KYNU: variants seen among roughly 807,000 people sequenced by gnomAD.
KYNU encodes the protein kynureninase, also known as L-kynurenine hydrolase.
In KYNU, 54 loss-of-function variants were observed where a neutral mutation model predicts 59.2. The ratio of observed to expected loss-of-function variants is 0.91; its 90% CI spans 0.73 to 1.14. KYNU has a LOEUF of 1.14. Among genes scored for constraint, KYNU ranks in the 50% most tolerant of loss-of-function variants. KYNU has a pLI of 0.00. For synonymous variants in KYNU, 177 were observed against 192.0 expected (o/e 0.92, Z 0.65); for missense variants, 567 against 554.4 (o/e 1.02, Z -0.23).
chr2:142,904,669 G>A (rs985557926), intron 2 of KYNU, among the ~76,000 whole-genome samples: 4 of 152,174 alleles, frequency 2.6e-5, no homozygotes, highest in East Asian at 1.9e-4. Context: ...TGACAAGGCC[G>A]AATTCTCCAG....
chr2:143,026,450 T>G (rs1161884870), intron 10 of KYNU, among the ~76,000 whole-genome samples: 1 of 152,210 alleles, frequency 6.6e-6, no homozygotes, highest in Non-Finnish European at 1.5e-5. Flanking sequence ...TGCTCTCAGC[T>G]CCTCGCGGGA....
In KYNU at chr2:143,050,962, T is replaced by C. The variant is rs1208564831; in HGVS notation, c.*8790T>C. On this transcript the variant is annotated 3_prime_UTR_variant, in exon 14 of 14. Coordinates refer to ENST00000264170, the MANE Select transcript of KYNU (RefSeq NM_003937.3). ...TATTAGGGTACCTTGTTACTGAGAT[T>C]ATGGATGTGATGCTTCTGTGGGCCA... 6.6e-6 allele frequency: 1 copy of C among 152,164 alleles called. No homozygotes were observed. The highest frequency in any genetic ancestry group is 6.5e-5 in the Admixed American group (1 of 15,272). The allele number at this position is 152,164 out of a possible 1,614,324, so 9.4% of individuals were successfully genotyped here.
chr2:142,990,168 A>T (rs2105170319), intron 10 of KYNU: 1 of 151,838 alleles, frequency 6.6e-6, no homozygotes, highest in East Asian at 1.9e-4. Flanking sequence ...CTGTCTGTAC[A>T]ATAAATTAGG....
Position 142,976,527 on chromosome 2 carries a change from G to C in KYNU, c.730-8557G>C, listed in dbSNP as rs56182344. ...GGGGTTTTTCCAAGTTATTTGTTGT[G>C]TAAAGGTTTTTTGTAATGATCGCCT... On this transcript the variant is annotated intron_variant, in intron 8 of 13. Transcript: ENST00000264170. 5.7e-3 allele frequency among the ~76,000 whole-genome samples: 864 copies of C among 152,222 alleles called. 7 individuals carry two copies. The highest frequency in any genetic ancestry group is 0.02 in the African/African-American group (826 of 41,542).
intron 2 of KYNU, among the ~76,000 whole-genome samples, chr2:142,887,600 C>T (rs1252414698): frequency 2.0e-5 from 3 of 152,120 alleles, no homozygotes; most frequent in African/African-American, 7.2e-5. Context: ...AAGAACCATG[C>T]TCTACATGGT....
chr2:142,926,988 G>A (rs1193858771), intron 3 of KYNU, among the ~76,000 whole-genome samples: 2 of 152,152 alleles, frequency 1.3e-5, no homozygotes, highest in Admixed American at 1.3e-4. Context: ...TTTTTCAAGT[G>A]TATTTGCCTT....
At position 142,988,161 on chromosome 2, in the gene KYNU, C is replaced by A. The variant is rs1685277143; in HGVS notation, c.902+2140C>A. On this transcript the variant is annotated intron_variant, in intron 10 of 13. Coordinates refer to ENST00000264170, the MANE Select transcript of KYNU (RefSeq NM_003937.3). The stretch of plus-strand genomic sequence containing the variant: ...ATGGGGTTATATGAAAAAAAAAATC[C>A]AAAATTTACAATATACAGGAAAAAG... Among the ~76,000 whole-genome samples, 3 of 151,472 alleles carry A rather than the reference C, an allele frequency of 2.0e-5. No homozygotes were observed. The South Asian group carries it at 6.3e-4, about 32-fold the overall frequency.
chr2:142,970,209 G>A (rs546845992), intron 8 of KYNU, among the ~76,000 whole-genome samples: 10 of 152,208 alleles, frequency 6.6e-5, no homozygotes, highest in Non-Finnish European at 1.2e-4. Flanking sequence ...AAGGTTAGTC[G>A]ATTTGAAGAG....
rs139552121 is a variant in KYNU at position 142,947,068 on chromosome 2, G to A, written c.374-7742G>A. 11,650 of 1,550,736 alleles carry A rather than the reference G, an allele frequency of 7.5e-3. 56 individuals carry two copies. The highest frequency in any genetic ancestry group is 0.02 in the Middle Eastern group (121 of 5,988). On this transcript the variant is annotated intron_variant, in intron 4 of 13. Coordinates refer to ENST00000264170, the MANE Select transcript of KYNU (RefSeq NM_003937.3). ...TCACCCTTCCCCAAGCAACTCCTGT[G>A]ACTAATGTCAAACAATATGTCCTTT...
At chr2:142,926,271 AG>A (rs1235496560) in intron 3 of KYNU, among the ~76,000 whole-genome samples, 1 of 152,152 alleles carries the variant, frequency 6.6e-6, no homozygotes, top group African/African-American at 2.4e-5. Context: ...CAGAACTTAA[AG>A]TATAATAAAA....
chr2:142,879,281 G>A (rs1681209885), intron 1 of KYNU, among the ~76,000 whole-genome samples: 1 of 152,184 alleles, frequency 6.6e-6, no homozygotes, highest in Non-Finnish European at 1.5e-5. Flanking sequence ...TGTGCAAGTG[G>A]TGGAGTAGGG....
At chr2:142,901,424 A>G (rs1489038563) in intron 2 of KYNU, among the ~76,000 whole-genome samples, 2 of 152,090 alleles carry the variant, frequency 1.3e-5, no homozygotes, top group Non-Finnish European at 2.9e-5. Context: ...AGCATTTTTA[A>G]TGGAGAGTTC....
At chr2:143,029,778 G>A (rs1686691132) in intron 11 of KYNU, 99 bp downstream of exon 11, 2 of 741,278 alleles carry the variant, frequency 2.7e-6, no homozygotes, top group Non-Finnish European at 4.8e-6. Flanking sequence ...CCCAGGGAGA[G>A]TGCACTTCAA....
In KYNU at chr2:142,886,844, G is replaced by A. The variant is rs188542253; in HGVS notation, c.169+1308G>A. ...CCCTGATGTGCTCTCTGGCCTACAG[G>A]GCTCCTGTACTGAGTCAGAACCCAG... is the stretch of plus-strand genomic sequence containing the variant. On this transcript the variant is annotated intron_variant, in intron 2 of 13. Coordinates refer to ENST00000264170, the MANE Select transcript of KYNU (RefSeq NM_003937.3). Among the ~76,000 whole-genome samples, 192 of 152,256 alleles carry A rather than the reference G, an allele frequency of 1.3e-3. 1 individual carries two copies. The highest frequency in any genetic ancestry group is 4.2e-3 in the African/African-American group (175 of 41,544).
intron 1 of KYNU, among the ~76,000 whole-genome samples, chr2:142,879,207 T>C (rs1050293737): frequency 3.3e-5 from 5 of 152,178 alleles, no homozygotes; most frequent in Admixed American, 3.3e-4. Flanking sequence ...ATAAATTGCA[T>C]CCTTAGAGTG....
At chr2:142,910,284 C>G (rs1162575066) in intron 2 of KYNU, among the ~76,000 whole-genome samples, 35 of 151,892 alleles carry the variant, frequency 2.3e-4, no homozygotes, top group African/African-American at 8.5e-4. Flanking sequence ...CTACAGGCCT[C>G]TGCCACCAAA....
At position 143,042,620 on chromosome 2, in the gene KYNU, A is replaced by G. The variant is rs1163491153; in HGVS notation, c.*448A>G. ...TATATATATATATATATATATATAT[A>G]TATATATATATGTGTGTGTGTGTGT... On this transcript the variant is annotated 3_prime_UTR_variant, in exon 14 of 14. Coordinates refer to ENST00000264170, the MANE Select transcript of KYNU (RefSeq NM_003937.3). 0.15 allele frequency: 18,931 copies of G among 123,688 alleles called. 1,684 individuals are homozygous for G. The highest frequency in any genetic ancestry group is 0.27 in the East Asian group (1,140 of 4,292). 7.7% of individuals were successfully genotyped at this position (123,688 alleles called of 1,614,324 possible).
At chr2:143,004,845 T>C (rs1685823058) in intron 10 of KYNU, among the ~76,000 whole-genome samples, 1 of 152,166 alleles carries the variant, frequency 6.6e-6, no homozygotes, top group Admixed American at 6.5e-5. Context: ...TCATTAGGTG[T>C]CACCTGGAGG....
intron 2 of KYNU, among the ~76,000 whole-genome samples, chr2:142,889,980 T>G (rs1681658561): frequency 6.6e-6 from 1 of 152,050 alleles, no homozygotes; most frequent in African/African-American, 2.4e-5. Context: ...AATATAAATT[T>G]TATTAAAATA....
Sources: allele counts gnomAD v4.1 joint callset (sites outside exome capture counted in the v4.1 genomes callset), GRCh38; gene constraint gnomAD v4.1.1; transcripts MANE v1.5; gene names NCBI Gene and HGNC (gene_info 2026-07-23, HGNC 2026-07-21).